The following PPM1D variants were observed in gnomAD, a reference collection of about 807,000 sequenced individuals.
PPM1D encodes protein phosphatase, Mg2+/Mn2+ dependent 1D.
In PPM1D, 52 loss-of-function variants were observed where a neutral mutation model predicts 58.3. The ratio of observed to expected loss-of-function variants is 0.89; its 90% CI spans 0.71 to 1.12. The LOEUF (loss-of-function observed/expected upper bound fraction) is 1.12. PPM1D is among the 50% of genes most tolerant of loss of function. PPM1D has a pLI of 0.00. For missense variants in PPM1D, 564 were observed against 777.2 expected, an observed-to-expected ratio of 0.73 and a Z score of 3.26; for synonymous variants, 278 against 285.1, an observed-to-expected ratio of 0.98 and a Z score of 0.25.
intron 1 of PPM1D, among the ~76,000 whole-genome samples, chr17:60,621,105 T>G (rs2143650145): frequency 1.3e-5 from 2 of 151,986 alleles, no homozygotes; most frequent in Middle Eastern, 6.8e-3. Context: ...ATATTTTCAG[T>G]AGAGATGGGG....
In PPM1D at chr17:60,655,547, C is replaced by T. The variant is rs976671853; in HGVS notation, c.1018-1052C>T. 1.6e-4 allele frequency among the ~76,000 whole-genome samples: 25 copies of T among 152,110 alleles called. 1 individual carries two copies. On this transcript the variant is annotated intron_variant, in intron 4 of 5. Coordinates refer to ENST00000305921, the MANE Select transcript of PPM1D (RefSeq NM_003620.4). ...TATTTTTAGCAGAGATGGGGTTTCG[C>T]CATGTTGGTCAGGCTGGCCTTGAAT...
chr17:60,627,234 AT>A, intron 2 of PPM1D, among the ~76,000 whole-genome samples: 1 of 152,164 alleles, frequency 6.6e-6, no homozygotes, highest in South Asian at 2.1e-4. Flanking sequence ...CAACAGGAAT[AT>A]TTTTGGTCTT....
At position 60,613,535 on chromosome 17, in the gene PPM1D, C is replaced by T. The variant is rs542239306; in HGVS notation, c.473-9986C>T. ...GCTGCGCTTGAGGAGCCCTTCAGCC[C>T]GCCACTGCACTGTGGGAGCCCCTCC... On this transcript the variant is annotated intron_variant, in intron 1 of 5. Transcript: ENST00000305921. Among the ~76,000 whole-genome samples the T allele has an allele frequency of 5.3e-5, 8 of 152,370 alleles. No individual in the cohort carries two copies. In the East Asian group the frequency reaches 9.7e-4, roughly 18 times the overall value.
chr17:60,633,973 A>G lies in PPM1D; in HGVS notation c.822A>G (p.Ala274=), dbSNP rs745943359. 5 of 1,612,946 alleles carry G rather than the reference A, an allele frequency of 3.1e-6. No individual in the cohort carries two copies. Among genetic ancestry groups the G allele is most frequent in the Non-Finnish European group, 4.2e-6 (5 of 1,179,466 alleles). Reference sequence around the variant, plus strand: ...TTCCTTTTCTGGCAGTAGCAAGAGCACTTGGTAAGTAGGACTTAATTTGGT... The same window carrying G: ...TTCCTTTTCTGGCAGTAGCAAGAGCGCTTGGTAAGTAGGACTTAATTTGGT... ...DQIPFLAVAR[A]LGDLWSYDFF... is the part of the protein sequence containing the mutation. Residue 274 remains alanine (A), a synonymous_variant, in exon 3 of 6, where the codon GCA becomes GCG. Coordinates refer to ENST00000305921, the MANE Select transcript of PPM1D (RefSeq NM_003620.4).
intron 2 of PPM1D, among the ~76,000 whole-genome samples, chr17:60,626,888 C>G (rs2030821522): frequency 6.6e-6 from 1 of 152,048 alleles, no homozygotes; most frequent in Admixed American, 6.6e-5. Context: ...AATATTGAAT[C>G]TTTTTATATA....
At chr17:60,625,406 A>G (rs1036805154) in intron 2 of PPM1D, among the ~76,000 whole-genome samples, 16 of 152,226 alleles carry the variant, frequency 1.1e-4, no homozygotes, top group African/African-American at 3.9e-4. Flanking sequence ...AAAATAATAT[A>G]TACCAGTAGC....
In PPM1D at chr17:60,633,900, G is replaced by C; in HGVS notation, c.749G>C (p.Arg250Pro). 2 of 1,613,720 alleles carry C rather than the reference G, an allele frequency of 1.2e-6. No homozygotes were observed. Among genetic ancestry groups the C allele is most frequent in the Non-Finnish European group, 1.7e-6 (2 of 1,179,734 alleles). ...GVNRVVWKRP[R>P]LTHNGPVRRS... ...AATCGTGTAGTTTGGAAACGACCTC[G>C]ACTCACTCACAATGGACCTGTTAGA... Residue 250 changes from arginine (R) to proline (P), a missense_variant, in exon 3 of 6, where the codon CGA becomes CCA. By Grantham distance (103) the Arg-to-Pro change is moderately radical (BLOSUM62 -2). Transcript: ENST00000305921.
In PPM1D at chr17:60,663,954, G is replaced by A. The variant is rs1282527014; in HGVS notation, c.*402G>A. ...GTATAAGCCACTTGTCTTGAAAACT[G>A]TGCAACTTTTTAAAGTAAATTATTA... On this transcript the variant is annotated 3_prime_UTR_variant, in exon 6 of 6. Transcript: ENST00000305921. 1 of 158,786 alleles carries A rather than the reference G, an allele frequency of 6.3e-6. No individual in the cohort carries two copies. Among genetic ancestry groups the A allele is most frequent in the Non-Finnish European group, 1.4e-5 (1 of 71,600 alleles). The allele number at this position is 158,786 out of a possible 1,614,324, so 9.8% of individuals were successfully genotyped here. A position where few individuals can be genotyped will look rare whatever the true frequency, so the allele number is the denominator to read the frequency against.
In PPM1D at chr17:60,643,948, G is replaced by A. The variant is rs564605691; in HGVS notation, c.827-3944G>A. ...CGCCCAGGCTGGAGTGCAGTGGCAT[G>A]ATCCTGGCTCACTGCTATGTCCGCT... On this transcript the variant is annotated intron_variant, in intron 3 of 5. Coordinates refer to ENST00000305921, the MANE Select transcript of PPM1D (RefSeq NM_003620.4). 1.4e-4 allele frequency among the ~76,000 whole-genome samples: 17 copies of A among 123,236 alleles called. No homozygotes were observed. The South Asian group carries it at 4.6e-3, about 33-fold the overall frequency. The allele number at this position is 123,236 out of a possible 152,430, so 80.8% of individuals were successfully genotyped here.
intron 4 of PPM1D, among the ~76,000 whole-genome samples, chr17:60,654,357 C>T (rs1354660245): frequency 1.4e-5 from 2 of 138,090 alleles, no homozygotes; most frequent in African/African-American, 2.7e-5. Context: ...CTGCAGCCTC[C>T]ACCTCCTGGG....
At chr17:60,620,150 C>T (rs1272642152) in intron 1 of PPM1D, among the ~76,000 whole-genome samples, 1 of 152,064 alleles carries the variant, frequency 6.6e-6, no homozygotes, top group African/African-American at 2.4e-5. Context: ...AGGCGCCTGC[C>T]ACCATGCCTG....
chr17:60,631,508 G>A (rs1223629606), intron 2 of PPM1D, among the ~76,000 whole-genome samples: 1 of 151,670 alleles, frequency 6.6e-6, no homozygotes, highest in African/African-American at 2.4e-5. Flanking sequence ...GCATTGTGGC[G>A]GGTGCCTGTA....
intron 2 of PPM1D, among the ~76,000 whole-genome samples, chr17:60,631,815 G>A (rs1473633988): frequency 2.6e-5 from 4 of 152,008 alleles, no homozygotes; most frequent in African/African-American, 9.7e-5. Context: ...AGCTCATTTC[G>A]GTCATGCCAG....
At chr17:60,630,501 C>T (rs1044367614) in intron 2 of PPM1D, among the ~76,000 whole-genome samples, 6 of 152,140 alleles carry the variant, frequency 3.9e-5, no homozygotes, top group Non-Finnish European at 5.9e-5. Flanking sequence ...GCCTAGGCAA[C>T]GGGCCAGCAT....
At chr17:60,652,291 C>T (rs1473372224) in intron 4 of PPM1D, among the ~76,000 whole-genome samples, 1 of 152,018 alleles carries the variant, frequency 6.6e-6, no homozygotes, top group Non-Finnish European at 1.5e-5. Flanking sequence ...CCAGTTCCAT[C>T]CCTGTTGCTG....
rs1253328458 is a variant in PPM1D, at chr17:60,663,670, T to G, written c.*118T>G. 4.4e-6 allele frequency: 5 copies of G among 1,135,126 alleles called. No homozygotes were observed. Among genetic ancestry groups the G allele is most frequent in the Non-Finnish European group, 6.1e-6 (5 of 824,470 alleles). 70.3% of individuals were successfully genotyped at this position (1,135,126 alleles called of 1,614,324 possible). On this transcript the variant is annotated 3_prime_UTR_variant, in exon 6 of 6. Coordinates refer to ENST00000305921, the MANE Select transcript of PPM1D (RefSeq NM_003620.4). ...AATTAAAAGAAATATACAGTTTGAC[T>G]TTTTGGAATTCAGCAGTTTTATCCT...
At chr17:60,638,252 T>G (rs1350139846) in intron 3 of PPM1D, among the ~76,000 whole-genome samples, 3 of 152,240 alleles carry the variant, frequency 2.0e-5, no homozygotes, top group Non-Finnish European at 2.9e-5. Context: ...TCCTCTTGAT[T>G]TCTCTTGTCA....
intron 3 of PPM1D, among the ~76,000 whole-genome samples, chr17:60,634,938 G>A (rs1204687954): frequency 6.6e-6 from 1 of 151,736 alleles, no homozygotes; most frequent in East Asian, 2.0e-4. Flanking sequence ...GAGCCACCAC[G>A]CCTGGCTAAT....
At chr17:60,618,295 T>C (rs536492020) in intron 1 of PPM1D, among the ~76,000 whole-genome samples, 1 of 152,314 alleles carries the variant, frequency 6.6e-6, no homozygotes, top group African/African-American at 2.4e-5. Flanking sequence ...GTTGTGTATG[T>C]ATGTTAATTT....
Sources: allele counts gnomAD v4.1 joint callset (sites outside exome capture counted in the v4.1 genomes callset), GRCh38; gene constraint gnomAD v4.1.1; transcripts MANE v1.5; gene names NCBI Gene and HGNC (gene_info 2026-07-23, HGNC 2026-07-21).